The following RFESD variants were observed in gnomAD, a reference collection of about 807,000 sequenced individuals.
RFESD encodes Rieske domain-containing protein.
RFESD carries 16 observed loss-of-function variants against 24.4 expected under a neutral mutation model. That is an observed-to-expected ratio of 0.66 (90% confidence interval 0.44 to 1.00). The LOEUF is 1.00. Among genes scored for constraint, RFESD ranks in the 50% least tolerant of loss-of-function variants. The pLI, the probability that RFESD is intolerant of heterozygous loss-of-function variation, is 0.00. For synonymous variants in RFESD, 59 were observed against 81.8 expected (o/e 0.72, Z 1.50); for missense variants, 208 against 247.0 (o/e 0.84, Z 1.06).
rs74616725 is a variant in RFESD at position 95,655,498 on chromosome 5, A to G, written c.370-548A>G. The G allele has an allele frequency of 4.1e-3, 626 of 152,698 alleles. 2 individuals carry two copies. The highest frequency in any genetic ancestry group is 0.014 in the Middle Eastern group (4 of 296). 9.5% of individuals were successfully genotyped at this position (152,698 alleles called of 1,614,324 possible). ...GTCACCCCAACCCCTTAGACCTACTACATTTAAACAGAGAGACATGCATTG... is the reference window on the plus strand; with the variant it reads ...GTCACCCCAACCCCTTAGACCTACTGCATTTAAACAGAGAGACATGCATTG... On this transcript the variant is annotated intron_variant, in intron 5 of 5. Transcript: ENST00000380005.
intron 1 of RFESD, chr5:95,648,016 T>G (rs1580253169): frequency 6.6e-6 from 1 of 152,226 alleles, no homozygotes. Context: ...TGATAATGTG[T>G]AGGCAAAGTT....
chr5:95,653,978 A>T, intron 3 of RFESD, 83 bp from the exon 4 acceptor site: 1 of 1,117,312 alleles, frequency 9.0e-7, no homozygotes, highest in Non-Finnish European at 1.3e-6. Context: ...AGTCCGAACT[A>T]TTCATTCTTA....
At chr5:95,654,566 G>A (rs1287148126) in intron 5 of RFESD, among the ~76,000 whole-genome samples, 199 bp downstream of exon 5, 1 of 151,990 alleles carries the variant, frequency 6.6e-6, no homozygotes, top group Non-Finnish European at 1.5e-5. Flanking sequence ...ATAATTGCAC[G>A]GATGTTTAAG....
chr5:95,655,125 A>C (rs561504234), intron 5 of RFESD, among the ~76,000 whole-genome samples: 35 of 152,252 alleles, frequency 2.3e-4, no homozygotes, highest in African/African-American at 8.2e-4. Flanking sequence ...ATGAGTGTAC[A>C]CACCTGTCCT....
rs1048131406 is a variant in RFESD, at chr5:95,656,470, G to A, written c.*161G>A. On this transcript the variant is annotated 3_prime_UTR_variant, in exon 6 of 6. Transcript: ENST00000380005. Reference sequence around the variant, plus strand: ...TAAGAGCACACATACTTAGTATGATGTAAGGATTATCATCAGGATCAATAG... The same window carrying A: ...TAAGAGCACACATACTTAGTATGATATAAGGATTATCATCAGGATCAATAG... 2 of 597,222 alleles carry A rather than the reference G, an allele frequency of 3.3e-6. No individual in the cohort carries two copies. The highest frequency in any genetic ancestry group is 5.9e-6 in the Non-Finnish European group (2 of 340,544). 37.0% of individuals were successfully genotyped at this position (597,222 alleles called of 1,614,324 possible). A position where few individuals can be genotyped will look rare whatever the true frequency, so the allele number is the denominator to read the frequency against.
chr5:95,653,079 T>G, intron 2 of RFESD, 38 bp from the exon 3 acceptor site: 2 of 1,549,778 alleles, frequency 1.3e-6, no homozygotes, highest in South Asian at 1.2e-5. Context: ...ACCAAGACTT[T>G]TCTTTCCTTC....
chr5:95,653,791 G>A (rs60991802), intron 3 of RFESD, among the ~76,000 whole-genome samples: 176 of 152,158 alleles, frequency 1.2e-3, no homozygotes, highest in African/African-American at 3.9e-3. Context: ...GCAGCTACTC[G>A]GGAGGCCAAG....
At chr5:95,648,892 C>CTTTTTT (rs35016122) in intron 1 of RFESD, among the ~76,000 whole-genome samples, 35 of 72,422 alleles carry the variant, frequency 4.8e-4, no homozygotes, top group Non-Finnish European at 7.6e-4. Flanking sequence ...GATAGTAGTG[C>CTTTTTT]TTTTTTTTTT....
chr5:95,654,773 A>G (rs1276063030), intron 5 of RFESD, among the ~76,000 whole-genome samples: 1 of 152,192 alleles, frequency 6.6e-6, no homozygotes, highest in Non-Finnish European at 1.5e-5. Flanking sequence ...TGTATTTGTG[A>G]CTGAAAAAAG....
In RFESD at chr5:95,652,293, T is replaced by C. The variant is rs1286258044; in HGVS notation, c.22T>C (p.Cys8Arg). Residue 8 changes from cysteine (C) to arginine (R), a missense_variant, in exon 2 of 6, where the codon TGT (cysteine) becomes CGT (arginine). Physicochemically the swap from Cys to Arg is radical, Grantham distance 180. Transcript: ENST00000380005. ...CTAAATGTTGAAGTGTTTCAGGAAT[T>C]GTCTTAGACCTTCTTCCTTATCTAC... The part of the protein sequence containing the change: MLKCFRN[C>R]LRPSSLSTLP... The C allele has an allele frequency of 6.5e-7, 1 of 1,550,024 alleles. No individual in the cohort carries two copies. The highest frequency in any genetic ancestry group is 2.4e-5 in the East Asian group (1 of 40,862).
At chr5:95,650,882 A>C (rs1416194704) in intron 1 of RFESD, among the ~76,000 whole-genome samples, 1 of 152,144 alleles carries the variant, frequency 6.6e-6, no homozygotes, top group Non-Finnish European at 1.5e-5. Context: ...GCGGATCATG[A>C]GGTCAGGAGA....
Position 95,656,547 on chromosome 5 carries a change from T to C in RFESD, c.*238T>C. ...TAATTAGAAACCTGAAGGTTATAGG[T>C]TTGGGATGTTCTGTTTAAGAAGGAT... On this transcript the variant is annotated 3_prime_UTR_variant, in exon 6 of 6. Coordinates refer to ENST00000380005, the MANE Select transcript of RFESD (RefSeq NM_001131066.2). The C allele has an allele frequency of 2.7e-6, 1 of 364,644 alleles. No individual in the cohort carries two copies. Among genetic ancestry groups the C allele is most frequent in the African/African-American group, 2.1e-5 (1 of 47,906 alleles). The allele number at this position is 364,644 out of a possible 1,614,324, so 22.6% of individuals were successfully genotyped here.
At chr5:95,655,539 G>C (rs1419768959) in intron 5 of RFESD, 1 of 152,796 alleles carries the variant, frequency 6.5e-6, no homozygotes, top group Non-Finnish European at 1.5e-5. Context: ...AGATCCAGGT[G>C]CTTCCTATGT....
At position 95,656,719 on chromosome 5, in the gene RFESD, A is replaced by G. The variant is rs187089981; in HGVS notation, c.*410A>G. On this transcript the variant is annotated 3_prime_UTR_variant, in exon 6 of 6. Transcript: ENST00000380005. ...TAATTCTGGAAAAGTTTTAGTATAT[A>G]CAAAGTAAACAGACTATATAATGAA... is the stretch of plus-strand genomic sequence containing the variant. 1 of 156,702 alleles carries G rather than the reference A, an allele frequency of 6.4e-6. No homozygotes were observed. Among genetic ancestry groups the G allele is most frequent in the African/African-American group, 2.4e-5 (1 of 41,478 alleles). The allele number at this position is 156,702 out of a possible 1,614,324, so 9.7% of individuals were successfully genotyped here.
chr5:95,648,201 G>C (rs1242463495), intron 1 of RFESD: 1 of 152,076 alleles, frequency 6.6e-6, no homozygotes, highest in East Asian at 1.9e-4. Flanking sequence ...AATAGTGACC[G>C]AGTATCCATT....
chr5:95,650,503 TTC>T (rs1352566159), intron 1 of RFESD, among the ~76,000 whole-genome samples: 2 of 152,208 alleles, frequency 1.3e-5, no homozygotes, highest in Non-Finnish European at 2.9e-5. Flanking sequence ...GACCTATAAA[TTC>T]TCTTTTTCTA....
At chr5:95,647,690 A>G (rs1165114256) in intron 1 of RFESD, 2 of 152,030 alleles carry the variant, frequency 1.3e-5, no homozygotes, top group African/African-American at 2.4e-5. Flanking sequence ...ATAAATATCA[A>G]TACTATATAT....
At chr5:95,654,548 C>T (rs1356476575) in intron 5 of RFESD, among the ~76,000 whole-genome samples, 181 bp downstream of exon 5, 1 of 152,128 alleles carries the variant, frequency 6.6e-6, no homozygotes, top group Non-Finnish European at 1.5e-5. Flanking sequence ...TATATCTATT[C>T]TATGGCCATA....
At chr5:95,655,330 C>A (rs146910083) in intron 5 of RFESD, 1 of 152,188 alleles carries the variant, frequency 6.6e-6, no homozygotes. Flanking sequence ...CACCCACTTA[C>A]ATGTGTGAGC....
Sources: allele counts gnomAD v4.1 joint callset (sites outside exome capture counted in the v4.1 genomes callset), GRCh38; gene constraint gnomAD v4.1.1; transcripts MANE v1.5; gene names NCBI Gene and HGNC (gene_info 2026-07-23, HGNC 2026-07-21).